GBE1: variants seen among roughly 807,000 people sequenced by gnomAD.
GBE1 encodes the protein 1,4-alpha-glucan-branching enzyme.
Under a neutral mutation model 88.8 loss-of-function variants are expected in GBE1, and 70 were observed. The observed-to-expected ratio is 0.79, with a 90% CI of 0.65 to 0.96. The LOEUF is 0.96. Ranked by LOEUF, GBE1 falls within the 40% of genes least tolerant of loss-of-function variation. GBE1 has a pLI of 0.00. For missense variants in GBE1, 872 were observed against 871.0 expected (o/e 1.00, Z -0.01); for synonymous variants, 284 against 300.1 (o/e 0.95, Z 0.56).
chr3:81,712,737 T>A (rs1705886917), intron 1 of GBE1, among the ~76,000 whole-genome samples: 1 of 152,118 alleles, frequency 6.6e-6, no homozygotes, highest in Non-Finnish European at 1.5e-5. Context: ...ATATGGCACA[T>A]GTATACATAT....
chr3:81,548,999 C>A (rs1703240860), intron 12 of GBE1, among the ~76,000 whole-genome samples: 2 of 147,192 alleles, frequency 1.4e-5, no homozygotes, highest in South Asian at 2.2e-4. Context: ...TACCTAATTT[C>A]TCCAGAATTT....
chr3:81,562,309 G>C (rs1186220343), intron 12 of GBE1, among the ~76,000 whole-genome samples: 1 of 152,078 alleles, frequency 6.6e-6, no homozygotes, highest in African/African-American at 2.4e-5. Context: ...TACAAAATTT[G>C]ATCTGTTGTT....
intron 11 of GBE1, among the ~76,000 whole-genome samples, chr3:81,579,251 T>C (rs988130838): frequency 1.3e-5 from 2 of 152,042 alleles, no homozygotes; most frequent in African/African-American, 2.4e-5. Flanking sequence ...CTATAAATTA[T>C]ATGTTTATTT....
At chr3:81,662,830 T>G (rs958409270) in intron 3 of GBE1, among the ~76,000 whole-genome samples, 2 of 152,144 alleles carry the variant, frequency 1.3e-5, no homozygotes, top group African/African-American at 4.8e-5. Flanking sequence ...TTCCTTGTAT[T>G]AGAGAACATG....
At chr3:81,742,016 A>G (rs13088603) in intron 1 of GBE1, among the ~76,000 whole-genome samples, 45,555 of 151,396 alleles carry the variant, frequency 0.3, 7,018 homozygotes, top group East Asian at 0.43. Context: ...GCCTTAAAAT[A>G]AGACAGCAAA....
rs997538110 is a variant in GBE1, at chr3:81,549,941, C to A, written c.1619-12846G>T. ...TCGGTTGTTTTTGAGTTTTTTCCTG[C>A]AATTTAGGCTGACCCTGCTTACTCC... On this transcript the variant is annotated intron_variant, in intron 12 of 15. Transcript: ENST00000429644. Among the ~76,000 whole-genome samples, 20 of 151,216 alleles carry A rather than the reference C, an allele frequency of 1.3e-4. 1 individual carries two copies. Among genetic ancestry groups the A allele is most frequent in the Admixed American group, 5.3e-4 (8 of 15,156 alleles).
In GBE1 at chr3:81,591,167, T is replaced by C. The variant is rs1559655150; in HGVS notation, c.1109-3A>G. ...GTAATCACCTGAGAAACCTTGACCT[T>C]AGAAAAAGAAAATCAATACGGATAT... On this transcript the variant is annotated splice_polypyrimidine_tract_variant and splice_region_variant and intron_variant, in intron 8 of 15. Transcript: ENST00000429644. The C allele has an allele frequency of 1.3e-6, 2 of 1,592,370 alleles. No homozygotes were observed. The highest frequency in any genetic ancestry group is 1.7e-6 in the Non-Finnish European group (2 of 1,167,674).
chr3:81,654,597 C>A (rs1352429094), intron 3 of GBE1: 3 of 152,000 alleles, frequency 2.0e-5, no homozygotes, highest in African/African-American at 7.3e-5. Flanking sequence ...ATTCAAATTG[C>A]CCCAATTATA....
chr3:81,721,663 A>T (rs1706038038), intron 1 of GBE1, among the ~76,000 whole-genome samples: 1 of 152,224 alleles, frequency 6.6e-6, no homozygotes, highest in Non-Finnish European at 1.5e-5. Context: ...CCATAAAGCC[A>T]AGGATCATGT....
intron 10 of GBE1, among the ~76,000 whole-genome samples, chr3:81,584,308 T>A (rs921493018): frequency 1.3e-5 from 2 of 152,106 alleles, no homozygotes; most frequent in Non-Finnish European, 2.9e-5. Context: ...TAACTCATAC[T>A]GTATGGGTAG....
rs1488484428 is a variant in GBE1, at chr3:81,507,277, G to T, written c.1935-8050C>A. ...AGAAAGTAATGTGGAATTAAACAGA[G>T]AACTTGCCCGGGCGCAGTGGCTCAC... On this transcript the variant is annotated intron_variant, in intron 14 of 15. Transcript: ENST00000429644. Among the ~76,000 whole-genome samples the T allele has an allele frequency of 6.6e-5, 10 of 151,962 alleles. No homozygotes were observed. The East Asian group carries it at 1.9e-3, about 29-fold the overall frequency.
At chr3:81,519,636 T>C (rs1036946934) in intron 14 of GBE1, among the ~76,000 whole-genome samples, 2 of 151,318 alleles carry the variant, frequency 1.3e-5, no homozygotes, top group African/African-American at 4.8e-5. Context: ...ACTGATGTAA[T>C]ACATCAGTTT....
chr3:81,578,086 C>A lies in GBE1; in HGVS notation c.1457G>T (p.Gly486Val). 6.3e-7 allele frequency: 1 copy of A among 1,596,854 alleles called. No individual in the cohort carries two copies. The highest frequency in any genetic ancestry group is 2.3e-5 in the East Asian group (1 of 44,326). ...CAACCAAAATGCCAGCGACTTATCCCCAACCAATGCCTACAGAAATAAAAG... is the reference window on the plus strand; with the variant it reads ...CAACCAAAATGCCAGCGACTTATCCACAACCAATGCCTACAGAAATAAAAG... ...YAESHDQALV[G>V]DKSLAFWLMD... is the part of the protein sequence containing the mutation. The change falls in exon 12 of 16, where the codon GGG becomes GTG. Residue 486 changes from glycine (G) to valine (V), a missense_variant. Transcript: ENST00000429644.
chr3:81,684,682 T>C (rs1216694711), intron 2 of GBE1, among the ~76,000 whole-genome samples: 1 of 152,178 alleles, frequency 6.6e-6, no homozygotes, highest in Non-Finnish European at 1.5e-5. Flanking sequence ...TTAACTAGAT[T>C]TTATGTTTGC....
intron 1 of GBE1, among the ~76,000 whole-genome samples, chr3:81,708,349 A>G (rs1705806849): frequency 6.6e-6 from 1 of 152,110 alleles, no homozygotes; most frequent in Non-Finnish European, 1.5e-5. Context: ...TCAAATTTAT[A>G]AACTTTAATA....
At chr3:81,626,229 T>C (rs1250499477) in intron 7 of GBE1, among the ~76,000 whole-genome samples, 2 of 152,208 alleles carry the variant, frequency 1.3e-5, no homozygotes, top group African/African-American at 4.8e-5. Flanking sequence ...TTGGTTAAGG[T>C]AGTAGTAAAA....
intron 1 of GBE1, among the ~76,000 whole-genome samples, chr3:81,715,449 T>G (rs571463765): frequency 6.6e-6 from 1 of 152,338 alleles, no homozygotes; most frequent in Admixed American, 6.5e-5. Context: ...ACCATTTCAC[T>G]TCTGCTCAAA....
At chr3:81,499,044 CA>C in intron 15 of GBE1, 65 bp downstream of exon 15, 2 of 902,668 alleles carry the variant, frequency 2.2e-6, no homozygotes, top group Middle Eastern at 2.3e-4. Context: ...TTTATTTGAA[CA>C]AAAACATTAC....
intron 12 of GBE1, among the ~76,000 whole-genome samples, chr3:81,555,591 T>A (rs1703336544): frequency 6.6e-6 from 1 of 152,206 alleles, no homozygotes; most frequent in Non-Finnish European, 1.5e-5. Context: ...AAAGTTTCTT[T>A]GCTATCTTTT....
Sources: gnomAD v4.1 joint callset for allele counts (sites outside exome capture counted in the v4.1 genomes callset) on GRCh38, gnomAD v4.1.1 for gene constraint, MANE v1.5 for transcripts, NCBI Gene and HGNC (gene_info 2026-07-23, HGNC 2026-07-21) for gene names.